Variants in DCAF12 observed in about 807,000 individuals in gnomAD.
DCAF12 encodes the protein DDB1- and CUL4-associated factor 12.
Under a neutral mutation model 52.8 loss-of-function variants are expected in DCAF12, and 28 were observed. That is an observed-to-expected ratio of 0.53 (90% CI 0.39 to 0.73). The LOEUF is 0.73. Among genes scored for constraint, DCAF12 ranks in the 30% least tolerant of loss-of-function variants. The pLI is 0.00. For missense variants in DCAF12, 425 were observed against 552.2 expected (o/e 0.77, Z 2.31); for synonymous variants, 196 against 215.5 (o/e 0.91, Z 0.79).
intron 5 of DCAF12, among the ~76,000 whole-genome samples, chr9:34,098,106 A>G (rs1828765761): frequency 6.6e-6 from 1 of 152,156 alleles, no homozygotes; most frequent in African/African-American, 2.4e-5. Context: ...ACCCACAAAT[A>G]TAGACTACTC....
At chr9:34,102,521 C>T (rs565886931) in intron 4 of DCAF12, among the ~76,000 whole-genome samples, 48 of 151,770 alleles carry the variant, frequency 3.2e-4, no homozygotes, top group Admixed American at 2.6e-3. Context: ...ATTAGTAGGG[C>T]GTGTGCCTGT....
Position 34,091,661 on chromosome 9 carries a change from A to AAAC in DCAF12, c.1024+1624_1024+1625insGTT, listed in dbSNP as rs1554698965. ...CTTCAAAAAAAAAAAAAAAAAAAAA[A>AAAC]CCACAAAAAACCCAAAACAAAAGCT... is the stretch of plus-strand genomic sequence containing the variant. On this transcript the variant is annotated intron_variant, in intron 7 of 8. Transcript: ENST00000361264. Among the ~76,000 whole-genome samples the AAAC allele has an allele frequency of 3.5e-3, 518 of 148,458 alleles. 1 individual carries two copies. The highest frequency in any genetic ancestry group is 0.012 in the African/African-American group (487 of 40,394).
At chr9:34,121,111 G>A (rs1829168229) in intron 2 of DCAF12, among the ~76,000 whole-genome samples, 1 of 152,096 alleles carries the variant, frequency 6.6e-6, no homozygotes, top group Non-Finnish European at 1.5e-5. Context: ...CCAAGATCAT[G>A]CCACTGTACT....
At chr9:34,115,472 A>G (rs113819662) in intron 2 of DCAF12, among the ~76,000 whole-genome samples, 13 of 130,206 alleles carry the variant, frequency 1.0e-4, no homozygotes, top group Admixed American at 1.6e-4. Context: ...GGTGGCCTGC[A>G]CCTGTAGTCC....
intron 1 of DCAF12, among the ~76,000 whole-genome samples, chr9:34,126,021 C>CA (rs1226766301): frequency 6.6e-6 from 1 of 152,140 alleles, no homozygotes; most frequent in African/African-American, 2.4e-5. Flanking sequence ...AGGTAGAGTT[C>CA]ACTCTACCAG....
intron 4 of DCAF12, among the ~76,000 whole-genome samples, chr9:34,103,339 G>A (rs367832079): frequency 1.9e-4 from 29 of 151,432 alleles, no homozygotes; most frequent in African/African-American, 3.6e-4. Context: ...CCTGGGAGGC[G>A]GAGGTTGCAG....
At chr9:34,094,675 C>T (rs1828704979) in intron 6 of DCAF12, among the ~76,000 whole-genome samples, 1 of 151,686 alleles carries the variant, frequency 6.6e-6, no homozygotes, top group Non-Finnish European at 1.5e-5. Flanking sequence ...GGACTACAAG[C>T]GCCCACCACC....
chr9:34,094,414 T>TA (rs561086260), intron 6 of DCAF12, among the ~76,000 whole-genome samples: 60 of 149,338 alleles, frequency 4.0e-4, no homozygotes, highest in Non-Finnish European at 6.8e-4. Flanking sequence ...TCAAAAAAAA[T>TA]AAAAAAAAGA....
chr9:34,091,639 C>CA (rs34922785), intron 7 of DCAF12, among the ~76,000 whole-genome samples: 32,436 of 80,320 alleles, frequency 0.4, 6,407 homozygotes, highest in South Asian at 0.44. Context: ...ACCCTGTCTT[C>CA]AAAAAAAAAA....
intron 4 of DCAF12, among the ~76,000 whole-genome samples, chr9:34,104,420 TGAGA>T (rs1225352660): frequency 1.3e-5 from 2 of 152,008 alleles, no homozygotes; most frequent in Admixed American, 1.3e-4. Flanking sequence ...ATGGAAGCTA[TGAGA>T]GAGAAAGTTG....
At position 34,126,529 on chromosome 9, in the gene DCAF12, C is replaced by A; in HGVS notation, c.-98G>T. Reference sequence around the variant, plus strand: ...TATACTGGGCCCCGGGGCCGCGCACCTTAGTGCGCCCGGCCCGGAAAATGG... The same window carrying A: ...TATACTGGGCCCCGGGGCCGCGCACATTAGTGCGCCCGGCCCGGAAAATGG... On this transcript the variant is annotated 5_prime_UTR_variant, in exon 1 of 9. The change creates a new upstream start codon in the 5' untranslated region. Coordinates refer to ENST00000361264, the MANE Select transcript of DCAF12 (RefSeq NM_015397.4). 7.5e-7 allele frequency: 1 copy of A among 1,341,276 alleles called. No individual in the cohort carries two copies. Among genetic ancestry groups the A allele is most frequent in the Non-Finnish European group, 9.9e-7 (1 of 1,007,524 alleles). 83.1% of individuals were successfully genotyped at this position (1,341,276 alleles called of 1,614,324 possible).
At chr9:34,090,247 A>G (rs879851094) in intron 7 of DCAF12, among the ~76,000 whole-genome samples, 3 of 152,182 alleles carry the variant, frequency 2.0e-5, no homozygotes, top group Admixed American at 2.0e-4. Flanking sequence ...CATTTTCAGG[A>G]GAGACAGGGT....
At chr9:34,108,272 G>A (rs1828936795) in intron 2 of DCAF12, among the ~76,000 whole-genome samples, 2 of 152,056 alleles carry the variant, frequency 1.3e-5, no homozygotes, top group South Asian at 4.1e-4. Context: ...TCATTCCTTC[G>A]GACACTCACT....
Position 34,086,630 on chromosome 9 carries a change from A to G in DCAF12, c.*1720T>C, listed in dbSNP as rs1401185959. On this transcript the variant is annotated 3_prime_UTR_variant, in exon 9 of 9. Transcript: ENST00000361264. ...TAATAGAAAAAAAATTAAGACAATTAAAAGATCTATAGCATCCAGCATTTT... is the reference window on the plus strand; with the variant it reads ...TAATAGAAAAAAAATTAAGACAATTGAAAGATCTATAGCATCCAGCATTTT... 6.6e-6 allele frequency: 1 copy of G among 152,104 alleles called. No individual in the cohort carries two copies. The highest frequency in any genetic ancestry group is 1.5e-5 in the Non-Finnish European group (1 of 68,004). 9.4% of individuals were successfully genotyped at this position (152,104 alleles called of 1,614,324 possible). A position where few individuals can be genotyped will look rare whatever the true frequency, so the allele number is the denominator to read the frequency against.
intron 2 of DCAF12, among the ~76,000 whole-genome samples, chr9:34,124,244 A>G (rs1829214546): frequency 6.6e-6 from 1 of 152,156 alleles, no homozygotes; most frequent in Admixed American, 6.5e-5. Context: ...GTGAAAACCG[A>G]GGGAGGGCTG....
In DCAF12 at chr9:34,117,138, G is replaced by A. The variant is rs758708140; in HGVS notation, c.333+7885C>T. Reference sequence around the variant, plus strand: ...AATAGGTCTTGAATTCTGATGTTTCGCCACAGAATCATGACTTCGTGGAAG... The same window carrying A: ...AATAGGTCTTGAATTCTGATGTTTCACCACAGAATCATGACTTCGTGGAAG... On this transcript the variant is annotated intron_variant, in intron 2 of 8. Coordinates refer to ENST00000361264, the MANE Select transcript of DCAF12 (RefSeq NM_015397.4). Among the ~76,000 whole-genome samples, 7 of 152,106 alleles carry A rather than the reference G, an allele frequency of 4.6e-5. No homozygotes were observed. In the East Asian group the frequency reaches 1.3e-3, roughly 29 times the overall value.
At chr9:34,109,574 G>A (rs61167233) in intron 2 of DCAF12, 18 of 153,134 alleles carry the variant, frequency 1.2e-4, no homozygotes, top group African/African-American at 4.3e-4. Flanking sequence ...AGCCACAGAG[G>A]GGGGTCCCAC....
intron 2 of DCAF12, among the ~76,000 whole-genome samples, chr9:34,112,835 T>C (rs1268150979): frequency 6.6e-6 from 1 of 151,092 alleles, no homozygotes; most frequent in Non-Finnish European, 1.5e-5. Context: ...GAGGCAGAGG[T>C]TGAGGTAAGC....
chr9:34,096,833 A>G, intron 5 of DCAF12, 52 bp from the exon 6 acceptor site: 1 of 1,541,492 alleles, frequency 6.5e-7, no homozygotes, highest in Non-Finnish European at 9.0e-7. Flanking sequence ...CAACTAATGT[A>G]CGATAATAAG....
Sources: gnomAD v4.1 joint callset for allele counts (sites outside exome capture counted in the v4.1 genomes callset) on GRCh38, gnomAD v4.1.1 for gene constraint, MANE v1.5 for transcripts, NCBI Gene and HGNC (gene_info 2026-07-23, HGNC 2026-07-21) for gene names.